The following KAZN variants were observed in gnomAD, a reference collection of about 807,000 sequenced individuals.
The protein encoded by KAZN is kazrin.
A neutral mutation model predicts 87.4 loss-of-function variants in KAZN; 40 were observed. The observed-to-expected ratio is 0.46, with a 90% CI of 0.36 to 0.60. The LOEUF is 0.60. KAZN is among the 20% of genes least tolerant of loss of function. KAZN has a pLI of 0.00. For missense variants in KAZN, 898 were observed against 1,073.9 expected, an observed-to-expected ratio of 0.84 and a Z score of 2.29; for synonymous variants, 466 against 458.3, an observed-to-expected ratio of 1.02 and a Z score of -0.22.
At chr1:14,374,195 C>A (rs538076926) in intron 2 of KAZN, among the ~76,000 whole-genome samples, 29 of 152,294 alleles carry the variant, frequency 1.9e-4, no homozygotes, top group African/African-American at 6.5e-4. Flanking sequence ...TGTTTAAGAT[C>A]AACAAAATCC....
At chr1:14,690,537 G>T (rs1459678421) in intron 1 of KAZN, among the ~76,000 whole-genome samples, 3 of 151,920 alleles carry the variant, frequency 2.0e-5, no homozygotes, top group Non-Finnish European at 4.4e-5. Flanking sequence ...GCAGAGGGAA[G>T]GGTTTTTTTT....
intron 1 of KAZN, among the ~76,000 whole-genome samples, chr1:14,766,553 G>A (rs1416396429): frequency 6.7e-6 from 1 of 149,982 alleles, no homozygotes; most frequent in Admixed American, 6.7e-5. Flanking sequence ...ATTGCCTGGT[G>A]CTCTGGATCA....
At chr1:14,863,101 T>G (rs2101028333) in intron 1 of KAZN, among the ~76,000 whole-genome samples, 1 of 152,328 alleles carries the variant, frequency 6.6e-6, no homozygotes, top group Middle Eastern at 3.4e-3. Flanking sequence ...TTCTCTTTCT[T>G]TCCACTGTCA....
intron 2 of KAZN, among the ~76,000 whole-genome samples, chr1:14,475,344 A>G (rs1016034900): frequency 2.6e-5 from 4 of 152,242 alleles, no homozygotes; most frequent in Non-Finnish European, 5.9e-5. Flanking sequence ...TCATCTGAAA[A>G]GAGGACTTTA....
intron 4 of KAZN, among the ~76,000 whole-genome samples, chr1:15,048,492 A>G (rs989341116): frequency 6.6e-6 from 1 of 152,168 alleles, no homozygotes; most frequent in Non-Finnish European, 1.5e-5. Flanking sequence ...AGCCCACATG[A>G]GCCTACCGTT....
upstream of KAZN, among the ~76,000 whole-genome samples, chr1:14,595,005 G>A (rs990473810): frequency 6.6e-6 from 1 of 151,984 alleles, no homozygotes; most frequent in African/African-American, 2.4e-5. Flanking sequence ...ATTAGCCAGG[G>A]GTGGTGGTGG....
At chr1:14,616,449 GGAGCATAGAA>G (rs1297921407) in intron 1 of KAZN, among the ~76,000 whole-genome samples, 4 of 151,782 alleles carry the variant, frequency 2.6e-5, no homozygotes, top group Non-Finnish European at 4.4e-5. Flanking sequence ...GACTTTCTAG[GGAGCATAGAA>G]GAGGGTGATT....
intron 1 of KAZN, among the ~76,000 whole-genome samples, chr1:14,686,277 A>ATGGT (rs1640946768): frequency 6.6e-6 from 1 of 152,040 alleles, no homozygotes; most frequent in Non-Finnish European, 1.5e-5. Flanking sequence ...GTTGGCCAGG[A>ATGGT]TGGTCTCTGT....
intron 2 of KAZN, among the ~76,000 whole-genome samples, chr1:14,243,360 CTTT>C (rs1649155018): frequency 6.6e-6 from 1 of 152,104 alleles, no homozygotes; most frequent in Non-Finnish European, 1.5e-5. Context: ...TTTCCTTTAT[CTTT>C]TCTCCACCAG....
chr1:14,583,907 T>C lies in KAZN; in HGVS notation c.250-15076T>C, dbSNP rs184755612. ...TTGTGCAGCTCACCTAAAGCTGCCA[T>C]CTAGGAAGTCAAGGCTGGATGGAAG... On this transcript the variant is annotated intron_variant, in intron 2 of 16. Transcript: ENST00000636203. Among the ~76,000 whole-genome samples the C allele has an allele frequency of 7.1e-3, 1,074 of 152,262 alleles. 25 individuals are homozygous for C. Among genetic ancestry groups the C allele is most frequent in the Admixed American group, 0.052 (790 of 15,298 alleles).
chr1:14,874,479 TGG>T (rs1652526337), intron 1 of KAZN, among the ~76,000 whole-genome samples: 3 of 129,416 alleles, frequency 2.3e-5, no homozygotes, highest in African/African-American at 6.9e-5. Context: ...ACTGGATGGA[TGG>T]ATGGATGGAT....
intron 1 of KAZN, among the ~76,000 whole-genome samples, chr1:14,002,191 G>A (rs1639823716): frequency 6.6e-6 from 1 of 152,142 alleles, no homozygotes; most frequent in Admixed American, 6.5e-5. Flanking sequence ...GTGGGCAAAG[G>A]ACATGAACAG....
intron 2 of KAZN, among the ~76,000 whole-genome samples, chr1:14,218,701 A>T (rs955879590): frequency 3.9e-5 from 6 of 152,140 alleles, no homozygotes; most frequent in Non-Finnish European, 8.8e-5. Context: ...TGAAAATAAT[A>T]ACCACTTATT....
At chr1:14,869,665 G>A (rs777047613) in intron 1 of KAZN, among the ~76,000 whole-genome samples, 53 of 152,332 alleles carry the variant, frequency 3.5e-4, no homozygotes, top group Middle Eastern at 3.4e-3. Flanking sequence ...GGGGTTGAAA[G>A]CTGGCATGTG....
intron 1 of KAZN, among the ~76,000 whole-genome samples, chr1:14,724,860 G>T (rs928480346): frequency 2.0e-5 from 3 of 152,246 alleles, no homozygotes; most frequent in Middle Eastern, 3.4e-3. Context: ...CCTCACTCTG[G>T]TTCATCAATT....
intron 1 of KAZN, among the ~76,000 whole-genome samples, chr1:13,969,097 T>A (rs1642046605): frequency 6.6e-6 from 1 of 152,106 alleles, no homozygotes; most frequent in Non-Finnish European, 1.5e-5. Flanking sequence ...TGCCGAGGAG[T>A]CTTCTAAATA....
intron 1 of KAZN, among the ~76,000 whole-genome samples, chr1:14,030,781 A>G (rs984982191): frequency 6.6e-6 from 1 of 152,088 alleles, no homozygotes; most frequent in Non-Finnish European, 1.5e-5. Context: ...TCCACAAGTT[A>G]CTAACGACTT....
chr1:14,188,630 T>C (rs1357033100), intron 2 of KAZN, among the ~76,000 whole-genome samples: 5 of 152,226 alleles, frequency 3.3e-5, no homozygotes, highest in African/African-American at 9.6e-5. Flanking sequence ...ATGAAGAATA[T>C]GCAGTAACTT....
intron 2 of KAZN, among the ~76,000 whole-genome samples, chr1:14,331,253 T>A (rs1450067155): frequency 6.6e-6 from 1 of 152,142 alleles, no homozygotes; most frequent in African/African-American, 2.4e-5. Flanking sequence ...AATCTCCAAG[T>A]GAGAGGCATC....
Sources: gnomAD v4.1 joint callset for allele counts (sites outside exome capture counted in the v4.1 genomes callset) on GRCh38, gnomAD v4.1.1 for gene constraint, MANE v1.5 for transcripts, NCBI Gene and HGNC (gene_info 2026-07-23, HGNC 2026-07-21) for gene names.